Variants in FNDC3B observed in about 807,000 individuals in gnomAD.
FNDC3B encodes the protein fibronectin type III domain-containing protein 3B.
FNDC3B carries 12 observed loss-of-function variants against 151.5 expected under a neutral mutation model. That is an observed-to-expected ratio of 0.08 (90% confidence interval 0.05 to 0.13). The LOEUF (loss-of-function observed/expected upper bound fraction) is 0.13, where lower values mean the gene tolerates loss of function less well. Among genes scored for constraint, FNDC3B ranks in the 10% least tolerant of loss-of-function variants. The pLI is 1.00. For synonymous variants in FNDC3B, 528 were observed against 549.0 expected (o/e 0.96, Z 0.54); for missense variants, 1,214 against 1,505.3 (o/e 0.81, Z 3.20).
intron 3 of FNDC3B, among the ~76,000 whole-genome samples, chr3:172,178,421 A>G (rs1723718871): frequency 6.6e-6 from 1 of 152,054 alleles, no homozygotes; most frequent in East Asian, 1.9e-4. Flanking sequence ...GACTTTGTCA[A>G]GCAAGAGTGA....
chr3:172,155,136 C>T (rs1576915699), intron 3 of FNDC3B, among the ~76,000 whole-genome samples: 1 of 152,148 alleles, frequency 6.6e-6, no homozygotes, highest in East Asian at 1.9e-4. Flanking sequence ...ACCAAGAGAA[C>T]TTAGTCAAAG....
intron 1 of FNDC3B, among the ~76,000 whole-genome samples, chr3:172,054,719 G>T (rs927628201): frequency 1.3e-5 from 2 of 152,004 alleles, no homozygotes; most frequent in Non-Finnish European, 2.9e-5. Flanking sequence ...CCCTGAACAG[G>T]GGGGTAGGGG....
In FNDC3B at chr3:172,295,520, G is replaced by A; in HGVS notation, c.1001+6G>A. On this transcript the variant is annotated splice_donor_region_variant and intron_variant, in intron 8 of 25. Coordinates refer to ENST00000415807, the MANE Select transcript of FNDC3B (RefSeq NM_022763.4). ...AAATACAAGATAATTTACAGGTTGT[G>A]TATGTTTCTATTGTTTTTCTTTGCT... 2 of 1,611,114 alleles carry A rather than the reference G, an allele frequency of 1.2e-6. No homozygotes were observed. Among genetic ancestry groups the A allele is most frequent in the Non-Finnish European group, 1.7e-6 (2 of 1,178,948 alleles).
intron 22 of FNDC3B, among the ~76,000 whole-genome samples, chr3:172,355,905 A>G (rs1054306854): frequency 2.0e-5 from 3 of 152,240 alleles, no homozygotes; most frequent in Non-Finnish European, 4.4e-5. Flanking sequence ...AGAGCAGACC[A>G]GGACTATTGC....
chr3:172,174,944 C>CCCCCCCCCG (rs924176605), intron 3 of FNDC3B, among the ~76,000 whole-genome samples: 25 of 50,740 alleles, frequency 4.9e-4, no homozygotes, highest in South Asian at 1.2e-3. Flanking sequence ...CCCCCCCCCC[C>CCCCCCCCCG]CCAATACAAT....
intron 9 of FNDC3B, among the ~76,000 whole-genome samples, chr3:172,299,264 G>A (rs1730783207): frequency 6.6e-6 from 1 of 152,184 alleles, no homozygotes; most frequent in Non-Finnish European, 1.5e-5. Flanking sequence ...TATCTCTGAT[G>A]AGAATTAACT....
chr3:172,326,996 A>G (rs1201586953), intron 11 of FNDC3B, among the ~76,000 whole-genome samples: 1 of 152,198 alleles, frequency 6.6e-6, no homozygotes, highest in African/African-American at 2.4e-5. Context: ...GGAGGAAAGA[A>G]GGTAGATCAT....
chr3:172,041,411 C>CCT (rs1454709795), intron 1 of FNDC3B, among the ~76,000 whole-genome samples: 2 of 138,926 alleles, frequency 1.4e-5, no homozygotes, highest in Non-Finnish European at 3.0e-5. Context: ...CTCCTTCTCT[C>CCT]TCCTTCCTTC....
chr3:172,132,515 C>A (rs1384642549), intron 2 of FNDC3B, among the ~76,000 whole-genome samples: 3 of 152,076 alleles, frequency 2.0e-5, no homozygotes, highest in African/African-American at 7.2e-5. Context: ...AAGCCATTTT[C>A]TTTTCTCAGC....
chr3:172,375,097 A>C (rs770267815), intron 23 of FNDC3B, among the ~76,000 whole-genome samples: 1 of 152,080 alleles, frequency 6.6e-6, no homozygotes, highest in Non-Finnish European at 1.5e-5. Flanking sequence ...TTATTTCCTT[A>C]AGAAGAGGAA....
intron 25 of FNDC3B, among the ~76,000 whole-genome samples, chr3:172,394,106 T>TTAAAAAAAA (rs1736153949): frequency 1.2e-4 from 2 of 16,644 alleles, no homozygotes; most frequent in Non-Finnish European, 2.3e-4. Flanking sequence ...AGACTCCTTC[T>TTAAAAAAAA]AAAAAAAAAA....
Position 172,397,648 on chromosome 3 carries a change from G to A in FNDC3B, c.*173G>A, listed in dbSNP as rs1387457504. On this transcript the variant is annotated 3_prime_UTR_variant, in exon 26 of 26. Coordinates refer to ENST00000415807, the MANE Select transcript of FNDC3B (RefSeq NM_022763.4). ...TGCACCTTTTTGAAATGCAAAACTA[G>A]GAAAAGGTTAAACTGGATTTTTTTT... 2.6e-6 allele frequency: 1 copy of A among 390,994 alleles called. No homozygotes were observed. The highest frequency in any genetic ancestry group is 2.2e-5 in the African/African-American group (1 of 46,128). The allele number at this position is 390,994 out of a possible 1,614,324, so 24.2% of individuals were successfully genotyped here.
chr3:172,384,382 C>T (rs116399383), intron 25 of FNDC3B, among the ~76,000 whole-genome samples: 180 of 152,140 alleles, frequency 1.2e-3, no homozygotes, highest in African/African-American at 4.3e-3. Flanking sequence ...AACTTACATG[C>T]GTAATTGTTT....
chr3:172,155,490 G>A (rs1459923672), intron 3 of FNDC3B, among the ~76,000 whole-genome samples: 1 of 152,174 alleles, frequency 6.6e-6, no homozygotes, highest in East Asian at 1.9e-4. Flanking sequence ...CTCATTCCTG[G>A]TTCAGCACTG....
At chr3:172,373,925 T>C (rs1734998289) in intron 23 of FNDC3B, among the ~76,000 whole-genome samples, 1 of 152,224 alleles carries the variant, frequency 6.6e-6, no homozygotes, top group South Asian at 2.1e-4. Flanking sequence ...TTGTCTGATA[T>C]TGGAGGAGCA....
rs141248046 is a variant in FNDC3B, at chr3:172,280,190, C to A, written c.791-5736C>A. ...TTGGCCTCCCAAAGTGCTGGGATTACCGGCATGAGCTACCACATCCAGCCA... is the reference window on the plus strand; with the variant it reads ...TTGGCCTCCCAAAGTGCTGGGATTAACGGCATGAGCTACCACATCCAGCCA... On this transcript the variant is annotated intron_variant, in intron 6 of 25. Coordinates refer to ENST00000415807, the MANE Select transcript of FNDC3B (RefSeq NM_022763.4). Among the ~76,000 whole-genome samples, 5 of 152,330 alleles carry A rather than the reference C, an allele frequency of 3.3e-5. No homozygotes were observed. The East Asian group carries it at 9.6e-4, about 29-fold the overall frequency.
intron 3 of FNDC3B, among the ~76,000 whole-genome samples, chr3:172,171,419 C>G (rs1042563321): frequency 3.3e-5 from 5 of 152,052 alleles, no homozygotes; most frequent in Admixed American, 2.0e-4. Flanking sequence ...CTACTGGAAA[C>G]TTCGATGCCC....
chr3:172,213,122 T>C (rs1402417401), intron 3 of FNDC3B, among the ~76,000 whole-genome samples: 10 of 152,248 alleles, frequency 6.6e-5, no homozygotes, highest in Non-Finnish European at 1.0e-4. Context: ...GAGGATCAGC[T>C]TTCTGCCCCA....
intron 1 of FNDC3B, among the ~76,000 whole-genome samples, chr3:172,098,320 A>G (rs1235563755): frequency 6.6e-6 from 1 of 152,196 alleles, no homozygotes; most frequent in Non-Finnish European, 1.5e-5. Context: ...ATTTGATGGC[A>G]TGTGTAAGCA....
Sources: allele counts gnomAD v4.1 joint callset (sites outside exome capture counted in the v4.1 genomes callset), GRCh38; gene constraint gnomAD v4.1.1; transcripts MANE v1.5; gene names NCBI Gene and HGNC (gene_info 2026-07-23, HGNC 2026-07-21).